ADAMTS20: variants seen among roughly 807,000 people sequenced by gnomAD.
ADAMTS20 encodes the protein ADAM metallopeptidase with thrombospondin type 1 motif 20.
Under a neutral mutation model 260.1 loss-of-function variants are expected in ADAMTS20, and 225 were observed. That is an observed-to-expected ratio of 0.87 (90% CI 0.78 to 0.97). The LOEUF (loss-of-function observed/expected upper bound fraction) is 0.97, where lower values mean the gene tolerates loss of function less well. ADAMTS20 is among the 50% of genes least tolerant of loss of function. The probability of loss-of-function intolerance (pLI) is 0.00; values close to 1 mark genes in which losing one functional copy is unlikely to be tolerated. For synonymous variants in ADAMTS20, 802 were observed against 769.5 expected, an observed-to-expected ratio of 1.04 and a Z score of -0.70; for missense variants, 2,400 against 2,337.7, an observed-to-expected ratio of 1.03 and a Z score of -0.55.
chr12:43,543,344 T>C (rs1943401684), intron 2 of ADAMTS20, among the ~76,000 whole-genome samples: 1 of 151,900 alleles, frequency 6.6e-6, no homozygotes, highest in African/African-American at 2.4e-5. Flanking sequence ...ATCAAGGAGC[T>C]CCCCTCCTTC....
chr12:43,369,334 A>G lies in ADAMTS20; in HGVS notation c.5494T>C (p.Phe1832Leu). ...SKTIFGNAVP[F>L]ATAGDCYSAF... ...CTGTAGCAATCTCCAGCTGTGGCAA[A>G]TGGAACTGCATTTCCAAATATTGTT... Residue 1832 changes from phenylalanine to leucine, a missense_variant, in exon 37 of 39, where the codon TTT (phenylalanine) becomes CTT (leucine). By Grantham distance (22) the Phe-to-Leu change is conservative. Transcript: ENST00000389420. 6.4e-7 allele frequency: 1 copy of G among 1,567,464 alleles called. No homozygotes were observed. The highest frequency in any genetic ancestry group is 8.6e-7 in the Non-Finnish European group (1 of 1,158,112).
rs1940207155 is a variant in ADAMTS20, at chr12:43,375,507, T to G, written c.5318A>C (p.Lys1773Thr). 1.2e-6 allele frequency: 2 copies of G among 1,613,162 alleles called. No homozygotes were observed. Among genetic ancestry groups the G allele is most frequent in the South Asian group, 2.2e-5 (2 of 90,994 alleles). ...ATTAAAAGGACATTGATATGGATTT[T>G]TTAGTCTGTAACAACATTGGGATAT... ...NFSEVYGFRL[K>T]NPYQCPFNGS... is the part of the protein sequence containing the mutation. Residue 1773 changes from lysine to threonine, a missense_variant, in exon 36 of 39, where the codon AAA (lysine) becomes ACA (threonine). By Grantham distance (78) the Lys-to-Thr change is moderately conservative. Transcript: ENST00000389420.
intron 7 of ADAMTS20, among the ~76,000 whole-genome samples, chr12:43,489,923 C>T (rs1942576779): frequency 6.6e-6 from 1 of 151,836 alleles, no homozygotes; most frequent in East Asian, 1.9e-4. Context: ...GTAATAAAAG[C>T]AAATAGTTTT....
Position 43,453,964 on chromosome 12 carries a change from C to G in ADAMTS20, c.1703G>C (p.Cys568Ser), listed in dbSNP as rs1407684080. 1 of 1,613,010 alleles carries G rather than the reference C, an allele frequency of 6.2e-7. No individual in the cohort carries two copies. The highest frequency in any genetic ancestry group is 2.2e-5 in the East Asian group (1 of 44,872). ...EWGPWEPYSS[C>S]SRTCGGGIES... ...GATTCCGCCTCCACATGTTCTTGAA[C>G]AAGAACTGTAAGGTTCCCATGGTCC... Residue 568 changes from cysteine (C) to serine (S), a missense_variant, in exon 12 of 39, where the codon TGT becomes TCT. Cys to Ser is a moderately radical substitution (Grantham distance 112). Coordinates refer to ENST00000389420, the MANE Select transcript of ADAMTS20 (RefSeq NM_025003.5).
intron 28 of ADAMTS20, among the ~76,000 whole-genome samples, chr12:43,411,716 T>A (rs1200737246): frequency 2.6e-5 from 4 of 152,188 alleles, no homozygotes; most frequent in Non-Finnish European, 1.5e-5. Flanking sequence ...CCAAGTAATG[T>A]CTCTTTTAAA....
At chr12:43,408,847 C>G (rs1178975226) in intron 28 of ADAMTS20, among the ~76,000 whole-genome samples, 1 of 152,156 alleles carries the variant, frequency 6.6e-6, no homozygotes, top group Non-Finnish European at 1.5e-5. Flanking sequence ...GAATACTAAT[C>G]TAGCAGTACA....
chr12:43,464,359 T>C (rs1362164396), intron 10 of ADAMTS20, among the ~76,000 whole-genome samples: 1 of 152,120 alleles, frequency 6.6e-6, no homozygotes, highest in East Asian at 1.9e-4. Flanking sequence ...GAATACTTCA[T>C]AGGAATTTGA....
chr12:43,438,307 G>A (rs1387605302), intron 18 of ADAMTS20, among the ~76,000 whole-genome samples: 3 of 151,944 alleles, frequency 2.0e-5, no homozygotes, highest in Non-Finnish European at 4.4e-5. Flanking sequence ...TATATCCACG[G>A]TCACAGATGA....
chr12:43,373,060 A>T (rs759276372), intron 36 of ADAMTS20, among the ~76,000 whole-genome samples: 111 of 152,228 alleles, frequency 7.3e-4, no homozygotes, highest in Non-Finnish European at 1.3e-3. Context: ...CTTAGTACTC[A>T]TGTGTTTAAA....
At chr12:43,432,227 A>G in intron 21 of ADAMTS20, 77 bp downstream of exon 21, 1 of 1,441,630 alleles carries the variant, frequency 6.9e-7, no homozygotes, top group East Asian at 2.4e-5. Flanking sequence ...GCACTTTTAA[A>G]TTTTGTAAAG....
At chr12:43,358,052 T>C (rs1939781825) in intron 37 of ADAMTS20, among the ~76,000 whole-genome samples, 2 of 152,174 alleles carry the variant, frequency 1.3e-5, no homozygotes, top group Non-Finnish European at 2.9e-5. Flanking sequence ...ATAAAGTTAT[T>C]AAAAAATGAA....
intron 2 of ADAMTS20, among the ~76,000 whole-genome samples, chr12:43,550,300 C>A (rs1048738583): frequency 6.6e-6 from 1 of 152,096 alleles, no homozygotes; most frequent in Non-Finnish European, 1.5e-5. Flanking sequence ...CTGATTACCA[C>A]CACAAAAATA....
intron 18 of ADAMTS20, among the ~76,000 whole-genome samples, chr12:43,439,024 T>C (rs1050644680): frequency 6.6e-6 from 1 of 152,216 alleles, no homozygotes; most frequent in African/African-American, 2.4e-5. Flanking sequence ...ATGTACTGCA[T>C]TGAACATAAT....
intron 16 of ADAMTS20, among the ~76,000 whole-genome samples, chr12:43,441,783 C>T (rs1361428357): frequency 4.6e-5 from 7 of 152,114 alleles, no homozygotes; most frequent in Admixed American, 2.0e-4. Flanking sequence ...GAAACCTCAC[C>T]GAAAGCGCAC....
At chr12:43,431,520 AT>A (rs768750966) in intron 21 of ADAMTS20, 24 bp from the exon 22 acceptor site, 17 of 1,612,986 alleles carry the variant, frequency 1.1e-5, no homozygotes, top group Non-Finnish European at 1.4e-5. Flanking sequence ...ACTGATCATT[AT>A]TTATTTGCAG....
At chr12:43,471,397 C>T (rs1378631302) in intron 7 of ADAMTS20, among the ~76,000 whole-genome samples, 2 of 122,120 alleles carry the variant, frequency 1.6e-5, no homozygotes, top group African/African-American at 6.3e-5. Context: ...AAGGCGGCAG[C>T]GAGGCTGGGG....
chr12:43,463,354 C>T (rs1489577685), intron 10 of ADAMTS20, among the ~76,000 whole-genome samples: 3 of 152,058 alleles, frequency 2.0e-5, no homozygotes, highest in South Asian at 2.1e-4. Context: ...TGCCAAAAGC[C>T]GCTTTTGATA....
At chr12:43,389,492 G>A (rs1295111537) in intron 29 of ADAMTS20, among the ~76,000 whole-genome samples, 3 of 152,184 alleles carry the variant, frequency 2.0e-5, no homozygotes, top group African/African-American at 7.2e-5. Flanking sequence ...CTGGGGCAGG[G>A]ATTGGGTCCT....
At chr12:43,404,178 G>GACACACACACACACACACACACACAC (rs3031172) in intron 28 of ADAMTS20, among the ~76,000 whole-genome samples, 1 of 145,902 alleles carries the variant, frequency 6.9e-6, no homozygotes, top group Non-Finnish European at 1.5e-5. Flanking sequence ...ATATTGTGGG[G>GACACACACACACACACACACACACAC]ACACACACAC....
Sources: allele counts gnomAD v4.1 joint callset (sites outside exome capture counted in the v4.1 genomes callset), GRCh38; gene constraint gnomAD v4.1.1; transcripts MANE v1.5; gene names NCBI Gene and HGNC (gene_info 2026-07-23, HGNC 2026-07-21).